The following ZFAND6 variants were observed in gnomAD, a reference collection of about 807,000 sequenced individuals.
ZFAND6 encodes AN1-type zinc finger protein 6.
Under a neutral mutation model 24.5 loss-of-function variants are expected in ZFAND6, and 12 were observed. The observed-to-expected ratio is 0.49, with a 90% CI of 0.31 to 0.79. The LOEUF (loss-of-function observed/expected upper bound fraction) is 0.79. Among genes scored for constraint, ZFAND6 ranks in the 30% least tolerant of loss-of-function variants. ZFAND6 has a pLI of 0.04. For synonymous variants in ZFAND6, 92 were observed against 81.5 expected (o/e 1.13, Z -0.69); for missense variants, 207 against 245.9 (o/e 0.84, Z 1.06).
chr15:80,077,562 A>G (rs995957352), intron 1 of ZFAND6, among the ~76,000 whole-genome samples: 8 of 152,228 alleles, frequency 5.3e-5, no homozygotes, highest in African/African-American at 1.9e-4. Context: ...AACTTTTGAA[A>G]TACAGGTAAA....
At chr15:80,118,755 T>G (rs1252740727) in intron 2 of ZFAND6, among the ~76,000 whole-genome samples, 1 of 152,098 alleles carries the variant, frequency 6.6e-6, no homozygotes. Context: ...CTCAACAGTT[T>G]TAGGACTTTT....
At chr15:80,078,280 T>C in intron 1 of ZFAND6, among the ~76,000 whole-genome samples, 1 of 152,200 alleles carries the variant, frequency 6.6e-6, no homozygotes, top group East Asian at 1.9e-4. Flanking sequence ...ACTCAGTGCT[T>C]AGTTCCCATT....
chr15:80,112,039 C>T (rs1421227112), intron 2 of ZFAND6, among the ~76,000 whole-genome samples: 1 of 152,178 alleles, frequency 6.6e-6, no homozygotes, highest in Non-Finnish European at 1.5e-5. Context: ...GGAGGTGAAT[C>T]ACCTGAGGTC....
intron 2 of ZFAND6, among the ~76,000 whole-genome samples, chr15:80,106,022 GACATTAGTATTTCTGTTCTTGTACCT>G (rs2039305982): frequency 6.6e-6 from 1 of 152,158 alleles, no homozygotes; most frequent in Non-Finnish European, 1.5e-5. Context: ...GTGAAAATCA[GACATTAGTATTTCTGTTCTTGTACCT>G]ACATTGATGA....
intron 1 of ZFAND6, among the ~76,000 whole-genome samples, chr15:80,085,740 T>C (rs1222743003): frequency 6.6e-6 from 1 of 152,122 alleles, no homozygotes; most frequent in African/African-American, 2.4e-5. Context: ...TGGTGTGTTT[T>C]GTGTGTGTGT....
At chr15:80,073,008 C>T (rs991657502) in intron 1 of ZFAND6, among the ~76,000 whole-genome samples, 2 of 151,806 alleles carry the variant, frequency 1.3e-5, no homozygotes, top group African/African-American at 4.8e-5. Context: ...TTTCCTTAAA[C>T]TTAAAATGTT....
chr15:80,118,294 T>G (rs2039986807), intron 2 of ZFAND6, among the ~76,000 whole-genome samples: 1 of 149,074 alleles, frequency 6.7e-6, no homozygotes, highest in Non-Finnish European at 1.5e-5. Flanking sequence ...GGCTAGTTTT[T>G]TTGTATTTTT....
At chr15:80,069,688 A>C (rs1426421067) in intron 1 of ZFAND6, among the ~76,000 whole-genome samples, 2 of 152,036 alleles carry the variant, frequency 1.3e-5, no homozygotes, top group Non-Finnish European at 2.9e-5. Context: ...GCTGGAGTGC[A>C]ATGTCTGCTG....
chr15:80,085,436 A>G (rs573143114), intron 1 of ZFAND6, among the ~76,000 whole-genome samples: 8 of 152,326 alleles, frequency 5.3e-5, no homozygotes, highest in African/African-American at 1.7e-4. Context: ...TTAAACTCCT[A>G]TGACCTTTGT....
intron 2 of ZFAND6, among the ~76,000 whole-genome samples, chr15:80,100,173 T>C (rs1596262565): frequency 6.6e-6 from 1 of 152,220 alleles, no homozygotes; most frequent in South Asian, 2.1e-4. Context: ...AATGCAGTTT[T>C]AGGGTCTGTA....
chr15:80,133,464 G>C (rs1281564783), intron 6 of ZFAND6, among the ~76,000 whole-genome samples: 2 of 152,032 alleles, frequency 1.3e-5, no homozygotes, highest in Non-Finnish European at 2.9e-5. Flanking sequence ...CAAAGTGCTG[G>C]GATTATAGAG....
chr15:80,127,652 G>A (rs1463853364), intron 5 of ZFAND6, among the ~76,000 whole-genome samples: 2 of 148,784 alleles, frequency 1.3e-5, no homozygotes, highest in Non-Finnish European at 3.0e-5. Context: ...GGAAATGGAA[G>A]TCATGGGACA....
At chr15:80,075,167 C>CT (rs1446078860) in intron 1 of ZFAND6, 2 of 153,616 alleles carry the variant, frequency 1.3e-5, no homozygotes, top group African/African-American at 4.9e-5. Flanking sequence ...TTTTCAGATA[C>CT]TTTGGTGTTG....
intron 6 of ZFAND6, among the ~76,000 whole-genome samples, chr15:80,136,135 AAAAG>A (rs2040851966): frequency 6.6e-6 from 1 of 151,996 alleles, no homozygotes; most frequent in Non-Finnish European, 1.5e-5. Flanking sequence ...AAAAAAAAAA[AAAAG>A]ACATTTTAAA....
At chr15:80,081,465 ACAG>A (rs1389410932) in intron 1 of ZFAND6, among the ~76,000 whole-genome samples, 1 of 152,250 alleles carries the variant, frequency 6.6e-6, no homozygotes, top group African/African-American at 2.4e-5. Flanking sequence ...CAGAACCAGA[ACAG>A]TTCAGGAGGA....
chr15:80,107,425 G>A (rs545715559), intron 2 of ZFAND6, among the ~76,000 whole-genome samples: 1 of 152,270 alleles, frequency 6.6e-6, no homozygotes, highest in Admixed American at 6.5e-5. Flanking sequence ...TGGTGCCGCT[G>A]TCTTGATGGC....
At chr15:80,069,759 C>T (rs995414057) in intron 1 of ZFAND6, among the ~76,000 whole-genome samples, 1 of 152,094 alleles carries the variant, frequency 6.6e-6, no homozygotes, top group Non-Finnish European at 1.5e-5. Flanking sequence ...CAGGCACCTG[C>T]CACTGCACGA....
At chr15:80,079,692 C>G (rs1438477785) in intron 1 of ZFAND6, among the ~76,000 whole-genome samples, 1 of 148,028 alleles carries the variant, frequency 6.8e-6, no homozygotes, top group Non-Finnish European at 1.5e-5. Flanking sequence ...CTGTGTCGCC[C>G]AGGCTGGAGT....
At chr15:80,137,401 G>A in intron 6 of ZFAND6, 79 bp from the exon 7 acceptor site, 1 of 1,472,680 alleles carries the variant, frequency 6.8e-7, no homozygotes, top group Non-Finnish European at 9.1e-7. Context: ...TAAATATATT[G>A]TGCTGTTCAG....
Sources: gnomAD v4.1 joint callset for allele counts (sites outside exome capture counted in the v4.1 genomes callset) on GRCh38, gnomAD v4.1.1 for gene constraint, MANE v1.5 for transcripts, NCBI Gene and HGNC (gene_info 2026-07-23, HGNC 2026-07-21) for gene names.